RPL10A: variants seen among roughly 807,000 people sequenced by gnomAD.
The protein encoded by RPL10A is ribosomal protein L10a, also known as large ribosomal subunit protein uL1.
RPL10A carries 11 observed loss-of-function variants against 24.6 expected under a neutral mutation model. The observed-to-expected ratio is 0.45, with a 90% CI of 0.28 to 0.74. RPL10A has a LOEUF of 0.74. Among genes scored for constraint, RPL10A ranks in the 30% least tolerant of loss-of-function variants. RPL10A has a pLI of 0.13. For missense variants in RPL10A, 136 were observed against 273.1 expected, an observed-to-expected ratio of 0.50 and a Z score of 3.54; for synonymous variants, 98 against 108.5, an observed-to-expected ratio of 0.90 and a Z score of 0.60.
chr6:35,468,555 T>C, intron 1 of RPL10A, 116 bp downstream of exon 1: 1 of 1,604,258 alleles, frequency 6.2e-7, no homozygotes, highest in Non-Finnish European at 8.5e-7. Flanking sequence ...CCGCGGGGCA[T>C]TTCTCAAGGC....
chr6:35,468,865 G>A lies in RPL10A; in HGVS notation c.72G>A (p.Lys24=), dbSNP rs148695592. ...VREVLHGNQR[K]RRKFLETVEL... ...AAGTCCTGCACGGGAACCAGCGCAAGCGCCGCAAGTGAGTGCCGACCCTGG... is the reference window on the plus strand; with the variant it reads ...AAGTCCTGCACGGGAACCAGCGCAAACGCCGCAAGTGAGTGCCGACCCTGG... The change falls in exon 2 of 6, where the codon AAG becomes AAA. Residue 24 remains lysine, a synonymous_variant. Transcript: ENST00000322203. 1.2e-6 allele frequency: 2 copies of A among 1,612,668 alleles called. No homozygotes were observed. The highest frequency in any genetic ancestry group is 2.7e-5 in the African/African-American group (2 of 74,926).
At chr6:35,468,608 G>A in intron 1 of RPL10A, 169 bp downstream of exon 1, 1 of 1,541,114 alleles carries the variant, frequency 6.5e-7, no homozygotes, top group South Asian at 1.2e-5. Context: ...TCCGATCACT[G>A]AGAGCCTCCC....
chr6:35,468,850 C>A lies in RPL10A; in HGVS notation c.57C>A (p.His19Gln). 1 of 1,612,234 alleles carries A rather than the reference C, an allele frequency of 6.2e-7. No homozygotes were observed. ...TLYEAVREVL[H>Q]GNQRKRRKFL... ...ACGAGGCGGTGCGGGAAGTCCTGCACGGGAACCAGCGCAAGCGCCGCAAGT... is the reference window on the plus strand; with the variant it reads ...ACGAGGCGGTGCGGGAAGTCCTGCAAGGGAACCAGCGCAAGCGCCGCAAGT... Residue 19 changes from histidine to glutamine, a missense_variant, in exon 2 of 6, where the codon CAC becomes CAA. Around this residue, in one of 3 missense-constraint regions of RPL10A, gnomAD observed 88 missense variants for 149.2 expected, o/e 0.59. Transcript: ENST00000322203.
chr6:35,468,676 A>G (rs2150907253), intron 1 of RPL10A, 123 bp from the exon 2 acceptor site: 2 of 1,519,346 alleles, frequency 1.3e-6, no homozygotes, highest in South Asian at 2.5e-5. Context: ...TGGTGTCCGG[A>G]ATCTACGGGG....
intron 1 of RPL10A, 166 bp from the exon 2 acceptor site, chr6:35,468,633 T>TTGGGTC: frequency 6.6e-7 from 1 of 1,521,276 alleles, no homozygotes; most frequent in Non-Finnish European, 8.8e-7. Flanking sequence ...CCACCGGGGC[T>TTGGGTC]TGGGTCTGGG....
chr6:35,469,220 C>T, intron 3 of RPL10A, 161 bp from the exon 4 acceptor site: 3 of 1,478,240 alleles, frequency 2.0e-6, no homozygotes, highest in Non-Finnish European at 9.0e-7. Context: ...CGTGGGTAGG[C>T]CTCGGCCGAG....
chr6:35,469,604 A>AT, intron 4 of RPL10A, 75 bp downstream of exon 4: 2 of 1,492,392 alleles, frequency 1.3e-6, no homozygotes, highest in South Asian at 2.6e-5. Flanking sequence ...GCCATTTTCG[A>AT]TTTTTAAATG....
Position 35,470,516 on chromosome 6 carries a change from G to T in RPL10A, c.484-64G>T. ...ACCTGCTCACCAGGCCACTGGGGGA[G>T]GAAGGACAGGCCATCTGCTATTCGT... On this transcript the variant is annotated intron_variant, in intron 5 of 5. Transcript: ENST00000322203. This position sits in a 1 kb window ranked among gnomAD's most constrained non-coding sequence, Gnocchi z 4.6. The T allele has an allele frequency of 6.5e-7, 1 of 1,542,666 alleles. No homozygotes were observed. The highest frequency in any genetic ancestry group is 8.9e-7 in the Non-Finnish European group (1 of 1,126,064).
At position 35,469,031 on chromosome 6, in the gene RPL10A, G is replaced by T; in HGVS notation, c.161+4G>T. ...AGCGCTTCTCGGGCACCGTCAGGTT[G>T]GCACCGTTCTGATCCCACCCAGCCC... On this transcript the variant is annotated splice_donor_region_variant and intron_variant, in intron 3 of 5. Transcript: ENST00000322203. 1 of 1,611,942 alleles carries T rather than the reference G, an allele frequency of 6.2e-7. No homozygotes were observed. Among genetic ancestry groups the T allele is most frequent in the South Asian group, 1.1e-5 (1 of 91,008 alleles).
chr6:35,470,115 A>G lies in RPL10A; in HGVS notation c.311-64A>G. The G allele has an allele frequency of 6.6e-7, 1 of 1,504,242 alleles. No homozygotes were observed. Among genetic ancestry groups the G allele is most frequent in the Non-Finnish European group, 9.1e-7 (1 of 1,099,002 alleles). 93.2% of individuals were successfully genotyped at this position (1,504,242 alleles called of 1,614,324 possible). On this transcript the variant is annotated intron_variant, in intron 4 of 5. Transcript: ENST00000322203. This position sits in a 1 kb window ranked among gnomAD's most constrained non-coding sequence, Gnocchi z 4.6. ...GATTCAAGTGCGTTTCTGGCCTGCC[A>G]CATTTGAGGTGTGCCTTGGTGACCA...
At chr6:35,468,739 C>T (rs1767926119) in intron 1 of RPL10A, 60 bp from the exon 2 acceptor site, 2 of 1,550,848 alleles carry the variant, frequency 1.3e-6, no homozygotes, top group Non-Finnish European at 1.7e-6. Context: ...CGGAGGCTTC[C>T]AGGCAGTCCG....
chr6:35,470,351 G>A lies in RPL10A; in HGVS notation c.483G>A (p.Lys161=). 1 of 1,600,934 alleles carries A rather than the reference G, an allele frequency of 6.2e-7. No individual in the cohort carries two copies. The highest frequency in any genetic ancestry group is 8.5e-7 in the Non-Finnish European group (1 of 1,178,658). Residue 161 remains lysine (K), a splice_region_variant and synonymous_variant, in exon 5 of 6, where the codon AAG becomes AAA. Coordinates refer to ENST00000322203, the MANE Select transcript of RPL10A (RefSeq NM_007104.5). This position sits in a 1 kb window ranked among gnomAD's most constrained non-coding sequence, Gnocchi z 4.6. ...VKSTIKFQMK[K]VLCLAVAVGH... The stretch of plus-strand genomic sequence containing the variant: ...CCACAATCAAGTTCCAAATGAAGAA[G>A]GTGAGTGGGTCTGGCGGGTTGCTAT...
rs748129994 is a variant in RPL10A at position 35,468,943 on chromosome 6, G to A, written c.81-4G>A. ...GGGTGCTTAACCCCCCTCCTCTCTC[G>A]AAGGTTCCTGGAGACGGTGGAGTTG... On this transcript the variant is annotated splice_region_variant and splice_polypyrimidine_tract_variant and intron_variant, in intron 2 of 5. Coordinates refer to ENST00000322203, the MANE Select transcript of RPL10A (RefSeq NM_007104.5). The A allele has an allele frequency of 2.5e-6, 4 of 1,613,960 alleles. No homozygotes were observed. Among genetic ancestry groups the A allele is most frequent in the Non-Finnish European group, 3.4e-6 (4 of 1,179,908 alleles).
At position 35,470,396 on chromosome 6, in the gene RPL10A, G is replaced by A. The variant is rs1208358652; in HGVS notation, c.483+45G>A. ...TGCTATGGGTGAAGGTGTTGGCAGG[G>A]TCTAAATCTTATCCAAGTCTCTAAA... On this transcript the variant is annotated intron_variant, in intron 5 of 5. Transcript: ENST00000322203. The surrounding 1 kb of genome is among the most constrained non-coding windows in gnomAD (Gnocchi z 4.6). The A allele has an allele frequency of 6.4e-7, 1 of 1,574,696 alleles. No homozygotes were observed. Among genetic ancestry groups the A allele is most frequent in the African/African-American group, 1.3e-5 (1 of 74,158 alleles).
intron 1 of RPL10A, 152 bp from the exon 2 acceptor site, chr6:35,468,647 G>A: frequency 6.6e-7 from 1 of 1,515,928 alleles, no homozygotes; most frequent in Non-Finnish European, 8.8e-7. Context: ...GTCTGGGTCT[G>A]AGCTCCCGTC....
Position 35,468,616 on chromosome 6 carries a change from C to T in RPL10A, c.5+177C>T, listed in dbSNP as rs1264741245. The T allele has an allele frequency of 2.6e-6, 4 of 1,530,002 alleles. No individual in the cohort carries two copies. In the Admixed American group the frequency reaches 8.0e-5, roughly 31 times the overall value. The allele number at this position is 1,530,002 out of a possible 1,614,324, so 94.8% of individuals were successfully genotyped here. On this transcript the variant is annotated intron_variant, in intron 1 of 5. Coordinates refer to ENST00000322203, the MANE Select transcript of RPL10A (RefSeq NM_007104.5). ...TACCAGGTCCGATCACTGAGAGCCTCCCTCTTCCACCGGGGCTTGGGTCTG... is the reference window on the plus strand; with the variant it reads ...TACCAGGTCCGATCACTGAGAGCCTTCCTCTTCCACCGGGGCTTGGGTCTG...
Position 35,469,088 on chromosome 6 carries a change from G to A in RPL10A, c.161+61G>A, listed in dbSNP as rs367655770. 1.1e-5 allele frequency: 18 copies of A among 1,597,788 alleles called. No individual in the cohort carries two copies. In the East Asian group the frequency reaches 2.3e-4, roughly 20 times the overall value. On this transcript the variant is annotated intron_variant, in intron 3 of 5. Coordinates refer to ENST00000322203, the MANE Select transcript of RPL10A (RefSeq NM_007104.5). ...CCCCCGTGCTTGCCCCTCCCCTGCA[G>A]GCTCCCGCTGAGCCGGAGGCGGGCA...
intron 3 of RPL10A, 112 bp from the exon 4 acceptor site, chr6:35,469,269 G>A: frequency 3.3e-6 from 5 of 1,506,804 alleles, no homozygotes; most frequent in Middle Eastern, 2.5e-4. Context: ...GGCTGCTGGT[G>A]AATGTGAACG....
Position 35,468,888 on chromosome 6 carries a change from T to TG in RPL10A, c.80+19dup, listed in dbSNP as rs758320659. ...AAGCGCCGCAAGTGAGTGCCGACCC[T>TG]GGGGCACGGCGCGGGTGGCGAGGGC... On this transcript the variant is annotated intron_variant, in intron 2 of 5. Coordinates refer to ENST00000322203, the MANE Select transcript of RPL10A (RefSeq NM_007104.5). 1 of 1,613,170 alleles carries TG rather than the reference T, an allele frequency of 6.2e-7. No homozygotes were observed. The highest frequency in any genetic ancestry group is 1.7e-5 in the Admixed American group (1 of 59,942).
Sources: allele counts gnomAD v4.1 joint callset, GRCh38; gene constraint gnomAD v4.1.1; regional missense constraint gnomAD v4.1.1; non-coding constraint Gnocchi (gnomAD v3.1); transcripts MANE v1.5; gene names NCBI Gene and HGNC (gene_info 2026-07-23, HGNC 2026-07-21).